The following BHMT variants were observed in gnomAD, a reference collection of about 807,000 sequenced individuals.
BHMT encodes the protein betaine--homocysteine S-methyltransferase.
A neutral mutation model predicts 49.5 loss-of-function variants in BHMT; 38 were observed. The observed-to-expected ratio is 0.77, with a 90% CI of 0.59 to 1.01. The LOEUF is 1.01. Among genes scored for constraint, BHMT ranks in the 50% least tolerant of loss-of-function variants. The probability of loss-of-function intolerance (pLI) is 0.00; values close to 1 mark genes in which losing one functional copy is unlikely to be tolerated. For synonymous variants in BHMT, 166 were observed against 176.3 expected (o/e 0.94, Z 0.46); for missense variants, 426 against 495.7 (o/e 0.86, Z 1.34).
Position 79,120,344 on chromosome 5 carries a change from T to C in BHMT, c.286-6T>C. On this transcript the variant is annotated splice_region_variant and splice_polypyrimidine_tract_variant and intron_variant, in intron 3 of 7. Coordinates refer to ENST00000274353, the MANE Select transcript of BHMT (RefSeq NM_001713.3). ...TTTAGATGTCTCATATACTCACCCA[T>C]TTTAGGGGCAGGAAGTCAATGAAGC... 1 of 1,601,684 alleles carries C rather than the reference T, an allele frequency of 6.2e-7. No individual in the cohort carries two copies. Among genetic ancestry groups the C allele is most frequent in the Non-Finnish European group, 8.5e-7 (1 of 1,176,002 alleles).
At chr5:79,124,106 A>G (rs1162747852) in intron 5 of BHMT, among the ~76,000 whole-genome samples, 2 of 152,158 alleles carry the variant, frequency 1.3e-5, no homozygotes, top group Non-Finnish European at 2.9e-5. Flanking sequence ...AGAGACAGAA[A>G]GTAGATTTGA....
At chr5:79,129,470 AT>A (rs754664924) in intron 7 of BHMT, among the ~76,000 whole-genome samples, 3 of 152,210 alleles carry the variant, frequency 2.0e-5, no homozygotes, top group Non-Finnish European at 4.4e-5. Flanking sequence ...CAGAGACAGA[AT>A]TTGGTGAAAG....
Position 79,111,836 on chromosome 5 carries a change from CGCCTAG to C in BHMT, c.-49_-44del. 6.2e-7 allele frequency: 1 copy of C among 1,608,302 alleles called. No homozygotes were observed. The highest frequency in any genetic ancestry group is 8.5e-7 in the Non-Finnish European group (1 of 1,177,586). On this transcript the variant is annotated 5_prime_UTR_variant, in exon 1 of 8. Transcript: ENST00000274353. Reference sequence around the variant, plus strand: ...CTCGGGGCTGCGCAGCGGGAAGGCTCGCCTAGTCGGTCCGCATCCGTGTCGACCACC... The same window carrying C: ...CTCGGGGCTGCGCAGCGGGAAGGCTCTCGGTCCGCATCCGTGTCGACCACC...
intron 3 of BHMT, 56 bp from the exon 4 acceptor site, chr5:79,120,294 A>G: frequency 7.0e-7 from 1 of 1,431,962 alleles, no homozygotes. Context: ...TTGAATAATA[A>G]TTTTATTTCA....
intron 4 of BHMT, among the ~76,000 whole-genome samples, chr5:79,120,806 A>C (rs1756455898): frequency 6.6e-6 from 1 of 152,226 alleles, no homozygotes; most frequent in African/African-American, 2.4e-5. Context: ...CACAATTCAA[A>C]GTTTGAAAAC....
chr5:79,112,730 T>C (rs575652946), intron 1 of BHMT, among the ~76,000 whole-genome samples: 1 of 152,276 alleles, frequency 6.6e-6, no homozygotes, highest in South Asian at 2.1e-4. Flanking sequence ...AACAAGTCCA[T>C]CTCTTGGCTA....
In BHMT at chr5:79,129,394, C is replaced by G. The variant is rs140548084; in HGVS notation, c.1037+1411C>G. On this transcript the variant is annotated intron_variant, in intron 7 of 7. Coordinates refer to ENST00000274353, the MANE Select transcript of BHMT (RefSeq NM_001713.3). ...AGGAATTACATTGCTAGAGGAACAG[C>G]CCTCAGGAAAGCACTGAGAAGTGGA... Among the ~76,000 whole-genome samples the G allele has an allele frequency of 2.5e-4, 38 of 152,238 alleles. No homozygotes were observed. In the East Asian group the frequency reaches 6.6e-3, roughly 26 times the overall value.
At chr5:79,123,943 TATC>T (rs1335558027) in intron 5 of BHMT, among the ~76,000 whole-genome samples, 34 of 152,234 alleles carry the variant, frequency 2.2e-4, no homozygotes, top group Non-Finnish European at 1.0e-4. Context: ...TACAATGAAA[TATC>T]ATGCAGCTAT....
chr5:79,113,444 A>G (rs1756337879), intron 1 of BHMT, among the ~76,000 whole-genome samples: 1 of 152,382 alleles, frequency 6.6e-6, no homozygotes, highest in East Asian at 1.9e-4. Flanking sequence ...TGGAAAAAAC[A>G]GTTTCCTAGT....
intron 7 of BHMT, among the ~76,000 whole-genome samples, chr5:79,128,529 TAAAA>T (rs67257787): frequency 7.1e-6 from 1 of 140,094 alleles, no homozygotes; most frequent in South Asian, 2.2e-4. Flanking sequence ...GACCCTGTTT[TAAAA>T]AAAAAAAAAA....
chr5:79,126,794 G>A (rs974704882), intron 6 of BHMT, among the ~76,000 whole-genome samples: 18 of 152,104 alleles, frequency 1.2e-4, no homozygotes, highest in African/African-American at 4.1e-4. Context: ...GGGGATACTT[G>A]CAGTCCAGGC....
At chr5:79,115,927 T>C in intron 2 of BHMT, 28 bp downstream of exon 2, 1 of 1,583,204 alleles carries the variant, frequency 6.3e-7, no homozygotes, top group East Asian at 2.3e-5. Context: ...TTGTAAGTTC[T>C]CATAAAGGAG....
Position 79,126,149 on chromosome 5 carries a change from C to T in BHMT, c.729C>T (p.His243=), listed in dbSNP as rs1337710145. 1.2e-6 allele frequency: 2 copies of T among 1,613,746 alleles called. No individual in the cohort carries two copies. The highest frequency in any genetic ancestry group is 1.7e-6 in the Non-Finnish European group (2 of 1,179,664). ...EGLEAARLKA[H]LMSQPLAYHT... ...TGGAGGCTGCCCGACTGAAAGCTCA[C>T]CTGATGAGCCAGCCCTTGGCTTACC... is the stretch of plus-strand genomic sequence containing the variant. The change falls in exon 6 of 8, where the codon CAC becomes CAT. Residue 243 remains histidine (H), a synonymous_variant. Coordinates refer to ENST00000274353, the MANE Select transcript of BHMT (RefSeq NM_001713.3).
Position 79,112,225 on chromosome 5 carries a change from G to A in BHMT, c.33+307G>A, listed in dbSNP as rs1267168884. On this transcript the variant is annotated intron_variant, in intron 1 of 7. Transcript: ENST00000274353. ...AGATCTATGTGATCCTTGCCTCTCA[G>A]ACCCAAAGGCACCCTCTGAGCCCTC... 2.6e-5 allele frequency among the ~76,000 whole-genome samples: 4 copies of A among 152,330 alleles called. No individual in the cohort carries two copies. The South Asian group carries it at 8.3e-4, about 32-fold the overall frequency.
At chr5:79,126,827 T>A (rs1391960490) in intron 6 of BHMT, among the ~76,000 whole-genome samples, 1 of 152,072 alleles carries the variant, frequency 6.6e-6, no homozygotes, top group Non-Finnish European at 1.5e-5. Context: ...TTTCCCAGCA[T>A]GATTGGGAAG....
Position 79,132,139 on chromosome 5 carries a change from G to A in BHMT, c.*1023G>A, listed in dbSNP as rs1756652640. ...TATCTACTCTCCTACAAAAGCTCAA[G>A]CCTGAAGATACAAGACTATTAGAAG... On this transcript the variant is annotated 3_prime_UTR_variant, in exon 8 of 8. Transcript: ENST00000274353. The A allele has an allele frequency of 6.6e-6, 1 of 152,146 alleles. No individual in the cohort carries two copies. Among genetic ancestry groups the A allele is most frequent in the Non-Finnish European group, 1.5e-5 (1 of 68,036 alleles). 9.4% of individuals were successfully genotyped at this position (152,146 alleles called of 1,614,324 possible).
intron 5 of BHMT, among the ~76,000 whole-genome samples, chr5:79,124,156 G>A (rs1756514117): frequency 6.6e-6 from 1 of 152,040 alleles, no homozygotes; most frequent in African/African-American, 2.4e-5. Context: ...TAAGGAGTTA[G>A]TTCTTAATGG....
chr5:79,129,223 G>A (rs16876548), intron 7 of BHMT, among the ~76,000 whole-genome samples: 4,878 of 152,260 alleles, frequency 0.032, 100 homozygotes, highest in South Asian at 0.073. Context: ...CGATAAGCAG[G>A]TAATGTCCAA....
chr5:79,131,239 AC>A lies in BHMT; in HGVS notation c.*125del. The A allele has an allele frequency of 2.2e-6, 2 of 919,514 alleles. No individual in the cohort carries two copies. The highest frequency in any genetic ancestry group is 3.2e-6 in the Non-Finnish European group (2 of 631,828). 57.0% of individuals were successfully genotyped at this position (919,514 alleles called of 1,614,324 possible). ...CCATCCTACACATATTATTGCTATT[AC>A]CTGAACAAAATAGAATTACAAATAG... On this transcript the variant is annotated 3_prime_UTR_variant, in exon 8 of 8. Coordinates refer to ENST00000274353, the MANE Select transcript of BHMT (RefSeq NM_001713.3).
Sources: allele counts gnomAD v4.1 joint callset (sites outside exome capture counted in the v4.1 genomes callset), GRCh38; gene constraint gnomAD v4.1.1; transcripts MANE v1.5; gene names NCBI Gene and HGNC (gene_info 2026-07-23, HGNC 2026-07-21).